Variants in ZSWIM5 observed in about 807,000 individuals in gnomAD.
ZSWIM5 encodes zinc finger SWIM-type containing 5.
Under a neutral mutation model 119.6 loss-of-function variants are expected in ZSWIM5, and 55 were observed. That is an observed-to-expected ratio of 0.46 (90% CI 0.37 to 0.58). The LOEUF (loss-of-function observed/expected upper bound fraction) is 0.58. ZSWIM5 is among the 20% of genes least tolerant of loss of function. The pLI, the probability that ZSWIM5 is intolerant of heterozygous loss-of-function variation, is 0.00. For missense variants in ZSWIM5, 1,193 were observed against 1,512.8 expected (o/e 0.79, Z 3.51); for synonymous variants, 537 against 606.9 (o/e 0.88, Z 1.69).
At chr1:45,187,243 A>G (rs920073686) in intron 1 of ZSWIM5, among the ~76,000 whole-genome samples, 14 of 152,226 alleles carry the variant, frequency 9.2e-5, no homozygotes, top group Non-Finnish European at 2.1e-4. Flanking sequence ...TGATACTAAC[A>G]TAAGGATAGA....
rs1363263452 is a variant in ZSWIM5 at position 45,038,916 on chromosome 1, C to T, written c.1894+20G>A. 2 of 1,612,248 alleles carry T rather than the reference C, an allele frequency of 1.2e-6. No individual in the cohort carries two copies. The highest frequency in any genetic ancestry group is 2.2e-5 in the South Asian group (2 of 90,972). ...AACCAACAAGGGCAGTCTTGGTTTGCCTCAGGCTGACCCCTGTACCTGACA... is the reference window on the plus strand; with the variant it reads ...AACCAACAAGGGCAGTCTTGGTTTGTCTCAGGCTGACCCCTGTACCTGACA... On this transcript the variant is annotated intron_variant, in intron 8 of 13. Coordinates refer to ENST00000359600, the MANE Select transcript of ZSWIM5 (RefSeq NM_020883.2).
At chr1:45,102,296 T>C (rs1184640087) in intron 1 of ZSWIM5, among the ~76,000 whole-genome samples, 1 of 152,222 alleles carries the variant, frequency 6.6e-6, no homozygotes, top group African/African-American at 2.4e-5. Flanking sequence ...GTTTTCTCCA[T>C]TTTCTTATCC....
At position 45,019,291 on chromosome 1, in the gene ZSWIM5, C is replaced by T. The variant is rs1175214407; in HGVS notation, c.2721G>A (p.Leu907=). Residue 907 remains leucine (L), a synonymous_variant, in exon 14 of 14, where the codon TTG becomes TTA. Transcript: ENST00000359600. The surrounding 1 kb of genome is among the most constrained non-coding windows in gnomAD (Gnocchi z 5.0). ...EVGVRALVSI[L]QSWYTLFTPT... Reference sequence around the variant, plus strand: ...GGGTGAAGAGTGTGTACCAGCTCTGCAAGATGCTCACCAGGGCCCGCACAC... The same window carrying T: ...GGGTGAAGAGTGTGTACCAGCTCTGTAAGATGCTCACCAGGGCCCGCACAC... 1 of 1,612,390 alleles carries T rather than the reference C, an allele frequency of 6.2e-7. No homozygotes were observed. Among genetic ancestry groups the T allele is most frequent in the Admixed American group, 1.7e-5 (1 of 60,008 alleles).
At chr1:45,148,086 G>A (rs1181236341) in intron 1 of ZSWIM5, among the ~76,000 whole-genome samples, 1 of 152,138 alleles carries the variant, frequency 6.6e-6, no homozygotes, top group Admixed American at 6.5e-5. Flanking sequence ...ATTCATTACA[G>A]GAGTGGTCCT....
chr1:45,178,829 T>A (rs189374548), intron 1 of ZSWIM5, among the ~76,000 whole-genome samples: 21 of 152,184 alleles, frequency 1.4e-4, no homozygotes, highest in Admixed American at 1.0e-3. Context: ...TGTGGAAAAC[T>A]AAGAAAACTG....
intron 1 of ZSWIM5, among the ~76,000 whole-genome samples, chr1:45,098,151 T>C (rs970761411): frequency 1.3e-5 from 2 of 151,876 alleles, no homozygotes; most frequent in Admixed American, 6.6e-5. Context: ...TCATAGAGGA[T>C]CATGGAATGT....
intron 1 of ZSWIM5, among the ~76,000 whole-genome samples, chr1:45,181,098 AG>A (rs1196742002): frequency 6.6e-6 from 1 of 152,182 alleles, no homozygotes; most frequent in African/African-American, 2.4e-5. Context: ...GACTTTGACG[AG>A]TTGAGAAAAG....
intron 11 of ZSWIM5, among the ~76,000 whole-genome samples, chr1:45,023,182 G>A (rs1214764968): frequency 6.6e-6 from 1 of 152,148 alleles, no homozygotes; most frequent in Non-Finnish European, 1.5e-5. Flanking sequence ...CACTATCACA[G>A]TGTCATATAA....
intron 1 of ZSWIM5, among the ~76,000 whole-genome samples, chr1:45,202,462 T>C (rs1646163556): frequency 6.6e-6 from 1 of 152,074 alleles, no homozygotes; most frequent in African/African-American, 2.4e-5. Flanking sequence ...TTTGTAATTG[T>C]ACCTCTTCCA....
At chr1:45,171,885 T>C (rs1472054444) in intron 1 of ZSWIM5, among the ~76,000 whole-genome samples, 1 of 152,140 alleles carries the variant, frequency 6.6e-6, no homozygotes, top group Non-Finnish European at 1.5e-5. Context: ...TTTAGATAAT[T>C]ATTTGGAACT....
At chr1:45,038,604 C>CTTTTTTTTTTT (rs55717021) in intron 8 of ZSWIM5, among the ~76,000 whole-genome samples, 17,960 of 48,236 alleles carry the variant, frequency 0.37, 6,462 homozygotes, top group African/African-American at 0.45. Flanking sequence ...CGAGGGCAGT[C>CTTTTTTTTTTT]TTTTTTTTTT....
At chr1:45,030,860 G>A (rs1316612855) in intron 11 of ZSWIM5, among the ~76,000 whole-genome samples, 1 of 143,602 alleles carries the variant, frequency 7.0e-6, no homozygotes, top group African/African-American at 2.6e-5. Flanking sequence ...GTAGTGGCAC[G>A]ATCTCAGCTC....
At chr1:45,099,273 C>T (rs1468035370) in intron 1 of ZSWIM5, among the ~76,000 whole-genome samples, 1 of 152,192 alleles carries the variant, frequency 6.6e-6, no homozygotes, top group Non-Finnish European at 1.5e-5. Context: ...ATAAACACCT[C>T]TACAAAAATA....
intron 1 of ZSWIM5, among the ~76,000 whole-genome samples, chr1:45,126,715 C>CA (rs1315959478): frequency 6.6e-6 from 1 of 150,994 alleles, no homozygotes; most frequent in Non-Finnish European, 1.5e-5. Context: ...CCTACCTGGA[C>CA]AACATAGTGA....
intron 12 of ZSWIM5, 102 bp downstream of exon 12, chr1:45,020,523 A>G: frequency 7.4e-7 from 1 of 1,352,780 alleles, no homozygotes. Context: ...CCAAAGGAAG[A>G]GCCAGACTTG....
intron 1 of ZSWIM5, among the ~76,000 whole-genome samples, chr1:45,124,297 G>A (rs1183875990): frequency 6.6e-6 from 1 of 151,996 alleles, no homozygotes; most frequent in Non-Finnish European, 1.5e-5. Flanking sequence ...AATGTATGTA[G>A]AGAAAATATT....
intron 1 of ZSWIM5, among the ~76,000 whole-genome samples, chr1:45,139,454 CTCTCCCTCCCT>C (rs1389886063): frequency 4.8e-4 from 63 of 132,528 alleles, no homozygotes; most frequent in African/African-American, 1.7e-3. Context: ...TCTCCCTCCC[CTCTCCCTCCCT>C]CTCTCTCTCT....
chr1:45,042,159 C>T (rs1364495694), intron 6 of ZSWIM5, among the ~76,000 whole-genome samples: 2 of 152,114 alleles, frequency 1.3e-5, no homozygotes, highest in African/African-American at 2.4e-5. Flanking sequence ...TCCTGGATCA[C>T]ATGGGATGAA....
At chr1:45,079,194 A>AT (rs1645273837) in intron 2 of ZSWIM5, among the ~76,000 whole-genome samples, 2 of 151,334 alleles carry the variant, frequency 1.3e-5, no homozygotes, top group South Asian at 4.2e-4. Context: ...TTTGATTGTA[A>AT]TTTTCCACTA....
Sources: gnomAD v4.1 joint callset for allele counts (sites outside exome capture counted in the v4.1 genomes callset) on GRCh38, gnomAD v4.1.1 for gene constraint, Gnocchi (gnomAD v3.1) non-coding constraint, MANE v1.5 for transcripts, NCBI Gene and HGNC (gene_info 2026-07-23, HGNC 2026-07-21) for gene names.